MAP2K5: variants seen among roughly 807,000 people sequenced by gnomAD.
The protein encoded by MAP2K5 is mitogen-activated protein kinase kinase 5.
MAP2K5 carries 49 observed loss-of-function variants against 83.1 expected under a neutral mutation model. The observed-to-expected ratio is 0.59, with a 90% confidence interval of 0.47 to 0.75. The LOEUF (loss-of-function observed/expected upper bound fraction) is 0.75, where lower values mean the gene tolerates loss of function less well. Ranked by LOEUF, MAP2K5 falls within the 30% of genes least tolerant of loss-of-function variation. The pLI is 0.00. For missense variants in MAP2K5, 457 were observed against 557.5 expected, an observed-to-expected ratio of 0.82 and a Z score of 1.82; for synonymous variants, 202 against 191.8, an observed-to-expected ratio of 1.05 and a Z score of -0.44.
chr15:67,704,454 C>T (rs1431069676), intron 16 of MAP2K5, among the ~76,000 whole-genome samples: 4 of 152,142 alleles, frequency 2.6e-5, no homozygotes. Context: ...GAGTTGCAAT[C>T]ATGATTTTGT....
At chr15:67,792,575 TA>T (rs2090537009) in intron 21 of MAP2K5, among the ~76,000 whole-genome samples, 2 of 152,198 alleles carry the variant, frequency 1.3e-5, no homozygotes, top group Non-Finnish European at 2.9e-5. Flanking sequence ...GGTCCTTTCC[TA>T]CCTGACCTTG....
At chr15:67,726,475 G>A (rs780217335) in intron 16 of MAP2K5, among the ~76,000 whole-genome samples, 7 of 152,196 alleles carry the variant, frequency 4.6e-5, no homozygotes, top group Non-Finnish European at 7.3e-5. Flanking sequence ...AAGATAAGGT[G>A]CATACTAATA....
At chr15:67,660,871 G>GA (rs10684162) in intron 12 of MAP2K5, among the ~76,000 whole-genome samples, 136,804 of 145,516 alleles carry the variant, frequency 0.94, 64,563 homozygotes, top group South Asian at 0.99. Flanking sequence ...AACAGAATGA[G>GA]AAAAAAAAAA....
intron 2 of MAP2K5, among the ~76,000 whole-genome samples, chr15:67,553,893 C>T (rs1469891233): frequency 1.8e-5 from 2 of 113,022 alleles, no homozygotes; most frequent in Non-Finnish European, 3.3e-5. Flanking sequence ...GCAGTCCGGC[C>T]TGGGCGACAG....
In MAP2K5 at chr15:67,703,359, A is replaced by G. The variant is rs1023920781; in HGVS notation, c.995A>G (p.Gln332Arg). 4 of 1,613,588 alleles carry G rather than the reference A, an allele frequency of 2.5e-6. No individual in the cohort carries two copies. Among genetic ancestry groups the G allele is most frequent in the African/African-American group, 2.7e-5 (2 of 74,918 alleles). ...YMAPERISGE[Q>R]YGIHSDVWSL... is the part of the protein sequence containing the mutation. Reference sequence around the variant, plus strand: ...CAGCCTGAAAGGATTTCAGGGGAGCAGTATGGAATTCATTCTGATGTCTGG... The same window carrying G: ...CAGCCTGAAAGGATTTCAGGGGAGCGGTATGGAATTCATTCTGATGTCTGG... The change falls in exon 16 of 22, where the codon CAG becomes CGG. Residue 332 changes from glutamine to arginine, a missense_variant. Coordinates refer to ENST00000178640, the MANE Select transcript of MAP2K5 (RefSeq NM_145160.3).
At chr15:67,686,346 C>T (rs1313752584) in intron 13 of MAP2K5, among the ~76,000 whole-genome samples, 2 of 152,074 alleles carry the variant, frequency 1.3e-5, no homozygotes, top group Non-Finnish European at 2.9e-5. Context: ...ATGGCTCACA[C>T]CTGTAATCCC....
intron 19 of MAP2K5, among the ~76,000 whole-genome samples, chr15:67,759,357 G>A (rs530595495): frequency 1.3e-5 from 2 of 151,998 alleles, no homozygotes; most frequent in Non-Finnish European, 1.5e-5. Flanking sequence ...TCAGGAGTTC[G>A]AGACCAGACC....
intron 17 of MAP2K5, among the ~76,000 whole-genome samples, chr15:67,733,499 C>G (rs2089270387): frequency 6.6e-6 from 1 of 152,014 alleles, no homozygotes; most frequent in African/African-American, 2.4e-5. Context: ...GAGAAGATCA[C>G]TTTTATTGGG....
At chr15:67,631,480 T>C (rs1413816467) in intron 9 of MAP2K5, among the ~76,000 whole-genome samples, 1 of 152,168 alleles carries the variant, frequency 6.6e-6, no homozygotes, top group African/African-American at 2.4e-5. Flanking sequence ...AAATCACAGA[T>C]CTGACCGTGT....
intron 21 of MAP2K5, among the ~76,000 whole-genome samples, chr15:67,804,726 G>T (rs958113317): frequency 5.9e-5 from 9 of 152,220 alleles, no homozygotes; most frequent in African/African-American, 2.2e-4. Flanking sequence ...GGCGTGGGGG[G>T]AGGGGCCCGT....
Position 67,738,150 on chromosome 15 carries a change from C to T in MAP2K5, c.1075-10081C>T, listed in dbSNP as rs1419948125. 6.6e-6 allele frequency among the ~76,000 whole-genome samples: 1 copy of T among 152,084 alleles called. No individual in the cohort carries two copies. Among genetic ancestry groups the T allele is most frequent in the Non-Finnish European group, 1.5e-5 (1 of 68,006 alleles). On this transcript the variant is annotated intron_variant, in intron 17 of 21. Transcript: ENST00000178640. This position sits in a 1 kb window ranked among gnomAD's most constrained non-coding sequence, Gnocchi z 4.1. The stretch of plus-strand genomic sequence containing the variant: ...TACAGGCGTGAGCCACTGCACTTGG[C>T]CTAGAATAGTCTTATGAGAGAAGAA...
At chr15:67,568,936 G>A (rs991467019) in intron 3 of MAP2K5, among the ~76,000 whole-genome samples, 2 of 149,090 alleles carry the variant, frequency 1.3e-5, no homozygotes, top group Non-Finnish European at 3.0e-5. Context: ...AACCCGGGAG[G>A]CAGAGGTTGC....
At chr15:67,592,856 A>C (rs1567296374) in intron 6 of MAP2K5, 70 bp from the exon 7 acceptor site, 2 of 1,016,318 alleles carry the variant, frequency 2.0e-6, no homozygotes, top group Non-Finnish European at 3.1e-6. Context: ...GGTGTATTTC[A>C]GTCTGGAATT....
chr15:67,794,897 G>A lies in MAP2K5; in HGVS notation c.1243-11749G>A, dbSNP rs2090578948. 6.6e-6 allele frequency among the ~76,000 whole-genome samples: 1 copy of A among 152,222 alleles called. No individual in the cohort carries two copies. Among genetic ancestry groups the A allele is most frequent in the Non-Finnish European group, 1.5e-5 (1 of 68,040 alleles). The stretch of plus-strand genomic sequence containing the variant: ...AATTGGCTGCTTCTTGAAATAAGAT[G>A]AGACAATAGATATGAAATGCTTTGA... On this transcript the variant is annotated intron_variant, in intron 21 of 21. Coordinates refer to ENST00000178640, the MANE Select transcript of MAP2K5 (RefSeq NM_145160.3). This position sits in a 1 kb window ranked among gnomAD's most constrained non-coding sequence, Gnocchi z 4.6.
chr15:67,597,593 C>T lies in MAP2K5; in HGVS notation c.481-3092C>T, dbSNP rs2085555730. The stretch of plus-strand genomic sequence containing the variant: ...TCCATAAGCTTCTAAATAGCACTTT[C>T]TTATATAATGAACACTCTTCCTATG... On this transcript the variant is annotated intron_variant, in intron 7 of 21. Coordinates refer to ENST00000178640, the MANE Select transcript of MAP2K5 (RefSeq NM_145160.3). 2.0e-5 allele frequency among the ~76,000 whole-genome samples: 3 copies of T among 152,194 alleles called. 1 individual carries two copies. The South Asian group carries it at 6.2e-4, about 32-fold the overall frequency.
chr15:67,771,089 C>T (rs1388531375), intron 20 of MAP2K5, among the ~76,000 whole-genome samples: 1 of 151,752 alleles, frequency 6.6e-6, no homozygotes, highest in South Asian at 2.1e-4. Flanking sequence ...AATGTATATC[C>T]CTCTTAATTT....
rs1044107829 is a variant in MAP2K5, at chr15:67,783,734, A to T, written c.1242+10982A>T. ...AATATATGGTCATTGAATTTAAATGATATGAATTTAACAAGTGAAATGAAT... is the reference window on the plus strand; with the variant it reads ...AATATATGGTCATTGAATTTAAATGTTATGAATTTAACAAGTGAAATGAAT... On this transcript the variant is annotated intron_variant, in intron 21 of 21. Transcript: ENST00000178640. The surrounding 1 kb of genome is among the most constrained non-coding windows in gnomAD (Gnocchi z 5.1). Among the ~76,000 whole-genome samples, 10 of 152,336 alleles carry T rather than the reference A, an allele frequency of 6.6e-5. No homozygotes were observed. Among genetic ancestry groups the T allele is most frequent in the African/African-American group, 2.4e-4 (10 of 41,574 alleles).
In MAP2K5 at chr15:67,784,263, G is replaced by A. The variant is rs76003799; in HGVS notation, c.1242+11511G>A. ...AGGAAAAACACAGGACTGTCCTACT[G>A]CACAACATCAAAGCTACACCCGTTG... On this transcript the variant is annotated intron_variant, in intron 21 of 21. Transcript: ENST00000178640. 3.1e-3 allele frequency among the ~76,000 whole-genome samples: 471 copies of A among 152,316 alleles called. 9 individuals are homozygous for A. The East Asian group carries it at 0.047, about 15-fold the overall frequency.
intron 21 of MAP2K5, among the ~76,000 whole-genome samples, chr15:67,803,741 G>T (rs1187763862): frequency 1.3e-5 from 2 of 152,350 alleles, no homozygotes; most frequent in Non-Finnish European, 2.9e-5. Flanking sequence ...CAAGACCTGG[G>T]ATGGTCTAGG....
Sources: gnomAD v4.1 joint callset for allele counts (sites outside exome capture counted in the v4.1 genomes callset) on GRCh38, gnomAD v4.1.1 for gene constraint, Gnocchi (gnomAD v3.1) non-coding constraint, MANE v1.5 for transcripts, NCBI Gene and HGNC (gene_info 2026-07-23, HGNC 2026-07-21) for gene names.